MGAT4C: variants seen among roughly 807,000 people sequenced by gnomAD.
MGAT4C encodes the protein MGAT4 family member C.
Under a neutral mutation model 40.1 loss-of-function variants are expected in MGAT4C, and 19 were observed. The observed-to-expected ratio is 0.47, with a 90% confidence interval of 0.33 to 0.70. The LOEUF (loss-of-function observed/expected upper bound fraction) is 0.70, where lower values mean the gene tolerates loss of function less well. Ranked by LOEUF, MGAT4C falls within the 30% of genes least tolerant of loss-of-function variation. MGAT4C has a pLI of 0.02. For missense variants in MGAT4C, 491 were observed against 563.2 expected (o/e 0.87, Z 1.30); for synonymous variants, 181 against 187.1 (o/e 0.97, Z 0.27).
chr12:86,798,453 T>C (rs1215123259), intron 1 of MGAT4C, among the ~76,000 whole-genome samples: 1 of 151,944 alleles, frequency 6.6e-6, no homozygotes, highest in African/African-American at 2.4e-5. Context: ...CATGCACAAC[T>C]GTATAAACCT....
chr12:86,578,983 T>A (rs1419015001), intron 2 of MGAT4C, among the ~76,000 whole-genome samples: 1 of 151,672 alleles, frequency 6.6e-6, no homozygotes, highest in Admixed American at 6.6e-5. Context: ...GTATAGTGAT[T>A]CCTGCTTTTT....
chr12:86,447,766 G>A (rs183529904), intron 2 of MGAT4C, among the ~76,000 whole-genome samples: 2 of 152,218 alleles, frequency 1.3e-5, no homozygotes, highest in Admixed American at 6.5e-5. Context: ...TAGATATTGA[G>A]GTAGGTAGAA....
intron 2 of MGAT4C, among the ~76,000 whole-genome samples, chr12:86,719,059 G>T (rs1950696088): frequency 6.6e-6 from 1 of 152,122 alleles, no homozygotes; most frequent in African/African-American, 2.4e-5. Context: ...ACCATATTCT[G>T]TTCTTCAAGT....
intron 2 of MGAT4C, among the ~76,000 whole-genome samples, chr12:86,605,162 A>G (rs1961999978): frequency 6.6e-6 from 1 of 152,110 alleles, no homozygotes; most frequent in Non-Finnish European, 1.5e-5. Flanking sequence ...ACATAACTGA[A>G]TTTTTAATAT....
intron 1 of MGAT4C, among the ~76,000 whole-genome samples, chr12:86,206,014 G>A (rs1377599821): frequency 2.0e-5 from 3 of 152,000 alleles, no homozygotes; most frequent in African/African-American, 7.2e-5. Flanking sequence ...GCAGGTCTGT[G>A]GGGGTAGTAC....
chr12:86,195,190 G>T (rs1009154439), intron 1 of MGAT4C, among the ~76,000 whole-genome samples: 2 of 152,170 alleles, frequency 1.3e-5, no homozygotes, highest in Non-Finnish European at 2.9e-5. Flanking sequence ...CAAGGGAAAG[G>T]TGGCACAGAA....
intron 1 of MGAT4C, among the ~76,000 whole-genome samples, chr12:86,246,310 G>A (rs978859508): frequency 6.6e-6 from 1 of 150,586 alleles, no homozygotes; most frequent in East Asian, 2.0e-4. Context: ...CTCAGCCTCC[G>A]GAGTAGCTGG....
rs145385526 is a variant in MGAT4C at position 86,553,413 on chromosome 12, G to A, written c.-228-118148C>T. Among the ~76,000 whole-genome samples, 953 of 151,836 alleles carry A rather than the reference G, an allele frequency of 6.3e-3. 8 individuals are homozygous for A. Among genetic ancestry groups the A allele is most frequent in the African/African-American group, 0.022 (909 of 41,436 alleles). The stretch of plus-strand genomic sequence containing the variant: ...AAAACTGAATAAACAAAATTATCCT[G>A]AATCAATAAAGCTTCACAATAAGTT... On this transcript the variant is annotated intron_variant, in intron 2 of 7. Coordinates refer to the MGAT4C transcript ENST00000548651.
intron 3 of MGAT4C, among the ~76,000 whole-genome samples, chr12:86,368,504 CT>C (rs1164508849): frequency 3.3e-5 from 5 of 151,146 alleles, no homozygotes; most frequent in Middle Eastern, 6.8e-3. Flanking sequence ...GGTCTTTTGT[CT>C]TTTTTTAATG....
At position 86,506,840 on chromosome 12, in the gene MGAT4C, G is replaced by A. The variant is rs73389813; in HGVS notation, c.-228-71575C>T. On this transcript the variant is annotated intron_variant, in intron 2 of 7. Transcript: ENST00000548651. The stretch of plus-strand genomic sequence containing the variant: ...AGATGGCTGTATGACATTTAAGTTA[G>A]ATGAAGGCAGAAAGAAGGGGTAAGG... Among the ~76,000 whole-genome samples the A allele has an allele frequency of 3.2e-3, 492 of 152,262 alleles. 2 individuals carry two copies. Among genetic ancestry groups the A allele is most frequent in the African/African-American group, 0.012 (479 of 41,566 alleles).
chr12:86,567,283 C>G (rs755171172), intron 2 of MGAT4C, among the ~76,000 whole-genome samples: 2 of 152,052 alleles, frequency 1.3e-5, no homozygotes, highest in Non-Finnish European at 2.9e-5. Flanking sequence ...TTCTGCTGGC[C>G]TAGAAGTCAT....
intron 2 of MGAT4C, among the ~76,000 whole-genome samples, chr12:86,525,990 C>A (rs1378637144): frequency 1.3e-5 from 2 of 152,186 alleles, no homozygotes; most frequent in African/African-American, 2.4e-5. Context: ...AGGGGGCCAG[C>A]AGGTGCTGGG....
At chr12:86,591,467 A>G (rs1961327426) in intron 2 of MGAT4C, among the ~76,000 whole-genome samples, 1 of 152,000 alleles carries the variant, frequency 6.6e-6, no homozygotes, top group Non-Finnish European at 1.5e-5. Context: ...TAGTATTTGA[A>G]TGATTACAAA....
At chr12:86,098,475 A>C (rs936121273) in intron 1 of MGAT4C, among the ~76,000 whole-genome samples, 1 of 151,640 alleles carries the variant, frequency 6.6e-6, no homozygotes, top group Non-Finnish European at 1.5e-5. Flanking sequence ...GCACCATCAT[A>C]TATTGGCTTC....
At chr12:86,493,441 T>C (rs1480345200) in intron 2 of MGAT4C, among the ~76,000 whole-genome samples, 1 of 152,090 alleles carries the variant, frequency 6.6e-6, no homozygotes, top group Non-Finnish European at 1.5e-5. Context: ...ATGTGGCACA[T>C]ATACACCATG....
At chr12:86,662,278 A>G (rs891245023) in intron 2 of MGAT4C, among the ~76,000 whole-genome samples, 2 of 152,210 alleles carry the variant, frequency 1.3e-5, no homozygotes, top group East Asian at 1.9e-4. Flanking sequence ...TATTTGGAGG[A>G]AAAAAGAATT....
chr12:86,452,313 C>T (rs538529193), intron 2 of MGAT4C, among the ~76,000 whole-genome samples: 40 of 151,674 alleles, frequency 2.6e-4, no homozygotes, highest in Non-Finnish European at 4.0e-4. Context: ...CCCATTAACT[C>T]GTCATTTACA....
rs913340933 is a variant in MGAT4C, at chr12:86,546,067, A to G, written c.-228-110802T>C. ...ATAGATCCCAATGCTCAAAACGTTG[A>G]CGTTTTTGAATTATGGTCATAGTTC... On this transcript the variant is annotated intron_variant, in intron 2 of 7. Coordinates refer to the MGAT4C transcript ENST00000548651. 7.2e-5 allele frequency among the ~76,000 whole-genome samples: 11 copies of G among 152,078 alleles called. No homozygotes were observed. The East Asian group carries it at 2.1e-3, about 29-fold the overall frequency.
At chr12:86,267,806 G>T (rs999874441) in intron 4 of MGAT4C, among the ~76,000 whole-genome samples, 3 of 152,102 alleles carry the variant, frequency 2.0e-5, no homozygotes, top group Non-Finnish European at 4.4e-5. Flanking sequence ...AAGAAGTATT[G>T]TTAAGATCTT....
Sources: allele counts gnomAD v4.1 joint callset (sites outside exome capture counted in the v4.1 genomes callset), GRCh38; gene constraint gnomAD v4.1.1; transcripts MANE v1.5; gene names NCBI Gene and HGNC (gene_info 2026-07-23, HGNC 2026-07-21).